KCNMA1: variants seen among roughly 807,000 people sequenced by gnomAD.
KCNMA1 encodes potassium calcium-activated channel subfamily M alpha 1.
KCNMA1 carries 29 observed loss-of-function variants against 140.0 expected under a neutral mutation model. The observed-to-expected ratio is 0.21, with a 90% CI of 0.15 to 0.28. The LOEUF (loss-of-function observed/expected upper bound fraction) is 0.28, where lower values mean the gene tolerates loss of function less well. Among genes scored for constraint, KCNMA1 ranks in the 10% least tolerant of loss-of-function variants. The pLI, the probability that KCNMA1 is intolerant of heterozygous loss-of-function variation, is 1.00. For synonymous variants in KCNMA1, 612 were observed against 611.9 expected, an observed-to-expected ratio of 1.00 and a Z score of 0.00; for missense variants, 880 against 1,602.2, an observed-to-expected ratio of 0.55 and a Z score of 7.70.
At chr10:77,410,326 C>T (rs1329070144) in intron 1 of KCNMA1, among the ~76,000 whole-genome samples, 4 of 152,170 alleles carry the variant, frequency 2.6e-5, no homozygotes, top group African/African-American at 7.2e-5. Flanking sequence ...CAAGCTGAAC[C>T]AGGCACCAAG....
intron 2 of KCNMA1, among the ~76,000 whole-genome samples, chr10:77,321,170 G>A (rs1452938731): frequency 2.0e-5 from 3 of 152,214 alleles, no homozygotes; most frequent in Non-Finnish European, 2.9e-5. Context: ...ATTACTCAGA[G>A]TGGAAATTTT....
chr10:77,548,558 T>G (rs1296267509), intron 1 of KCNMA1, among the ~76,000 whole-genome samples: 3 of 152,340 alleles, frequency 2.0e-5, no homozygotes, highest in Admixed American at 2.0e-4. Context: ...TCCATGAAGC[T>G]GACCTGGTGG....
chr10:77,465,056 C>G (rs2097959759), intron 1 of KCNMA1, among the ~76,000 whole-genome samples: 1 of 152,152 alleles, frequency 6.6e-6, no homozygotes, highest in African/African-American at 2.4e-5. Flanking sequence ...TAAGCACACC[C>G]CAAAATAAAA....
chr10:77,447,727 A>G (rs1246807162), intron 1 of KCNMA1, among the ~76,000 whole-genome samples: 3 of 152,142 alleles, frequency 2.0e-5, no homozygotes, highest in Non-Finnish European at 4.4e-5. Context: ...GCTCATTGGT[A>G]CCTCTGTGTC....
chr10:77,522,358 T>C (rs934571268), intron 1 of KCNMA1, among the ~76,000 whole-genome samples: 8 of 152,078 alleles, frequency 5.3e-5, no homozygotes, highest in Non-Finnish European at 5.9e-5. Context: ...CTTTTCCTTA[T>C]TTAACTTTTT....
intron 2 of KCNMA1, among the ~76,000 whole-genome samples, chr10:77,398,802 C>G (rs2096160703): frequency 6.6e-6 from 1 of 152,174 alleles, no homozygotes. Context: ...AATTTGACTA[C>G]CACTGTTGAC....
intron 18 of KCNMA1, among the ~76,000 whole-genome samples, chr10:77,007,653 G>GTATATATATATATATATATATATA (rs60937323): frequency 6.1e-4 from 54 of 88,438 alleles, no homozygotes; most frequent in East Asian, 9.8e-4. Flanking sequence ...TTGTGTGTGT[G>GTATATATATATATATATATATATA]TATATATATA....
chr10:77,280,048 A>G (rs898186712), intron 2 of KCNMA1, among the ~76,000 whole-genome samples: 4 of 152,168 alleles, frequency 2.6e-5, no homozygotes, highest in Non-Finnish European at 5.9e-5. Context: ...CTTTCCATAA[A>G]CCAGTTTCCT....
At chr10:77,405,951 C>T (rs1455064490) in intron 1 of KCNMA1, among the ~76,000 whole-genome samples, 1 of 152,176 alleles carries the variant, frequency 6.6e-6, no homozygotes, top group Non-Finnish European at 1.5e-5. Flanking sequence ...CCTCTGGCTG[C>T]CTGTGGCTCA....
At chr10:77,407,119 A>C (rs2154471974) in intron 1 of KCNMA1, among the ~76,000 whole-genome samples, 1 of 152,324 alleles carries the variant, frequency 6.6e-6, no homozygotes, top group South Asian at 2.1e-4. Context: ...CTAAAGGGAG[A>C]TAATGCCCTT....
intron 23 of KCNMA1, among the ~76,000 whole-genome samples, chr10:76,931,517 GAAAA>G (rs57206850): frequency 7.6e-6 from 1 of 131,932 alleles, no homozygotes; most frequent in Non-Finnish European, 1.6e-5. Context: ...ACTGTTTTAA[GAAAA>G]AAAAAAAAAA....
At chr10:77,494,531 G>C (rs1049895555) in intron 1 of KCNMA1, among the ~76,000 whole-genome samples, 2 of 152,222 alleles carry the variant, frequency 1.3e-5, no homozygotes, top group African/African-American at 4.8e-5. Context: ...GCTGCTCACA[G>C]AGCTGTCTGG....
At chr10:77,408,393 T>C (rs1048621371) in intron 1 of KCNMA1, among the ~76,000 whole-genome samples, 1 of 151,304 alleles carries the variant, frequency 6.6e-6, no homozygotes, top group Admixed American at 6.6e-5. Flanking sequence ...CTCACACATG[T>C]GTGTGTGCAT....
intron 2 of KCNMA1, among the ~76,000 whole-genome samples, chr10:77,259,731 T>G (rs1168443603): frequency 6.6e-6 from 1 of 152,174 alleles, no homozygotes; most frequent in Non-Finnish European, 1.5e-5. Flanking sequence ...AGAAATCAGC[T>G]CTGCTGTCAC....
chr10:77,030,913 C>CAAAGG (rs2093889054), intron 15 of KCNMA1, among the ~76,000 whole-genome samples: 1 of 152,110 alleles, frequency 6.6e-6, no homozygotes, highest in South Asian at 2.1e-4. Context: ...GCCCACTGGC[C>CAAAGG]AAAGGAAAGG....
chr10:76,878,274 G>A (rs1334218629), intron 29 of KCNMA1, among the ~76,000 whole-genome samples: 1 of 152,140 alleles, frequency 6.6e-6, no homozygotes, highest in East Asian at 1.9e-4. Context: ...CCTGAGGAGA[G>A]ATGTGTGCAT....
chr10:77,215,906 CCTCTCTCTCTCT>C (rs144962422), intron 3 of KCNMA1, among the ~76,000 whole-genome samples: 2 of 139,022 alleles, frequency 1.4e-5, no homozygotes, highest in Admixed American at 7.1e-5. Context: ...TCTCCTCTCT[CCTCTCTCTCTCT>C]CTCTCTCTCT....
intron 2 of KCNMA1, among the ~76,000 whole-genome samples, chr10:77,299,060 A>G (rs1180188219): frequency 6.6e-6 from 1 of 152,214 alleles, no homozygotes; most frequent in Admixed American, 6.5e-5. Context: ...ATAGTAGTTC[A>G]GTCGTACTGC....
chr10:77,432,004 A>T (rs887902457), intron 1 of KCNMA1, among the ~76,000 whole-genome samples: 1 of 151,560 alleles, frequency 6.6e-6, no homozygotes, highest in Non-Finnish European at 1.5e-5. Context: ...AAAAAAAAAA[A>T]GGCTCACAGC....
Sources: allele counts gnomAD v4.1 joint callset (sites outside exome capture counted in the v4.1 genomes callset), GRCh38; gene constraint gnomAD v4.1.1; transcripts MANE v1.5; gene names NCBI Gene and HGNC (gene_info 2026-07-23, HGNC 2026-07-21).